The following LONRF1 variants were observed in gnomAD, a reference collection of about 807,000 sequenced individuals.
LONRF1 encodes the protein LON peptidase N-terminal domain and ring finger 1.
LONRF1 carries 37 observed loss-of-function variants against 85.8 expected under a neutral mutation model. That is an observed-to-expected ratio of 0.43 (90% CI 0.33 to 0.57). LONRF1 has a LOEUF of 0.57. Among genes scored for constraint, LONRF1 ranks in the 20% least tolerant of loss-of-function variants. The pLI, the probability that LONRF1 is intolerant of heterozygous loss-of-function variation, is 0.04. For missense variants in LONRF1, 1,036 were observed against 978.0 expected (o/e 1.06, Z -0.79); for synonymous variants, 517 against 390.1 (o/e 1.33, Z -3.83).
At chr8:12,741,117 C>T (rs1405490686) in intron 2 of LONRF1, 121 bp from the exon 3 acceptor site, 25 of 1,016,286 alleles carry the variant, frequency 2.5e-5, no homozygotes, top group Non-Finnish European at 3.2e-5. Flanking sequence ...GGTGCAGTAG[C>T]TCACGCCTGT....
chr8:12,737,947 A>G (rs1478541606), intron 4 of LONRF1, 48 bp downstream of exon 4: 4 of 1,547,144 alleles, frequency 2.6e-6, no homozygotes, highest in Non-Finnish European at 3.5e-6. Context: ...CTTAACTCGT[A>G]AAGAAATGGA....
chr8:12,730,874 T>C (rs1303434214), intron 8 of LONRF1, among the ~76,000 whole-genome samples: 14 of 152,164 alleles, frequency 9.2e-5, no homozygotes, highest in Non-Finnish European at 2.1e-4. Flanking sequence ...GAAAGTGACA[T>C]ACAAAATGTT....
intron 10 of LONRF1, 33 bp downstream of exon 10, chr8:12,728,868 G>C: frequency 6.2e-7 from 1 of 1,612,246 alleles, no homozygotes; most frequent in Non-Finnish European, 8.5e-7. Flanking sequence ...CAGGATATAC[G>C]AAAGTATGCT....
intron 7 of LONRF1, among the ~76,000 whole-genome samples, chr8:12,733,402 A>G (rs1798602037): frequency 6.6e-6 from 1 of 152,170 alleles, no homozygotes; most frequent in Non-Finnish European, 1.5e-5. Flanking sequence ...TTTTGATCCA[A>G]TAATTCACCT....
chr8:12,737,389 G>C, intron 4 of LONRF1: 2 of 651,938 alleles, frequency 3.1e-6, no homozygotes, highest in South Asian at 1.5e-5. Context: ...CTAAAAAAAA[G>C]CCTGAACATA....
rs1799382820 is a variant in LONRF1, at chr8:12,751,297, T to TG, written c.721+3402_721+3403insC. Among the ~76,000 whole-genome samples the TG allele has an allele frequency of 1.4e-4, 7 of 51,172 alleles. 1 individual carries two copies. Among genetic ancestry groups the TG allele is most frequent in the East Asian group, 4.8e-4 (1 of 2,088 alleles). The allele number at this position is 51,172 out of a possible 152,430, so 33.6% of individuals were successfully genotyped here. ...CAAGGATTATATTTTTATTTTTATG[T>TG]TTTTTTTTTTTTTTTTTTTTTTTGA... On this transcript the variant is annotated intron_variant, in intron 1 of 11. Transcript: ENST00000398246.
At chr8:12,751,698 T>C (rs1292347362) in intron 1 of LONRF1, among the ~76,000 whole-genome samples, 1 of 151,862 alleles carries the variant, frequency 6.6e-6, no homozygotes, top group Non-Finnish European at 1.5e-5. Flanking sequence ...CTTTTTTTTT[T>C]TTTTTAACCT....
At chr8:12,753,103 G>C (rs1389377532) in intron 1 of LONRF1, 2 of 152,234 alleles carry the variant, frequency 1.3e-5, no homozygotes, top group African/African-American at 4.8e-5. Flanking sequence ...GCAGAGTCAT[G>C]TGTATCAGAA....
At chr8:12,738,184 A>G in intron 3 of LONRF1, 40 bp from the exon 4 acceptor site, 1 of 1,318,776 alleles carries the variant, frequency 7.6e-7, no homozygotes, top group South Asian at 1.5e-5. Context: ...AATATAAAAT[A>G]TTTGGTTAAG....
At chr8:12,727,267 TTTAAA>T (rs1238183286) in intron 10 of LONRF1, 105 of 146,700 alleles carry the variant, frequency 7.2e-4, no homozygotes, top group African/African-American at 2.4e-3. Context: ...CAGAGACGCT[TTTAAA>T]GTCTCTGCCT....
intron 7 of LONRF1, among the ~76,000 whole-genome samples, chr8:12,735,035 A>G (rs1585234280): frequency 1.3e-5 from 2 of 151,950 alleles, no homozygotes; most frequent in African/African-American, 4.8e-5. Context: ...AACCATACCC[A>G]CTTTTGTTTA....
At position 12,722,789 on chromosome 8, in the gene LONRF1, C is replaced by T; in HGVS notation, c.*307G>A. 4.8e-6 allele frequency: 1 copy of T among 206,328 alleles called. No homozygotes were observed. The highest frequency in any genetic ancestry group is 9.8e-6 in the Non-Finnish European group (1 of 101,818). The allele number at this position is 206,328 out of a possible 1,614,324, so 12.8% of individuals were successfully genotyped here. A position where few individuals can be genotyped will look rare whatever the true frequency, so the allele number is the denominator to read the frequency against. Reference sequence around the variant, plus strand: ...CCCCACAAGCACACACGCACGCACACACACACACACACTCTCTCACAGACA... The same window carrying T: ...CCCCACAAGCACACACGCACGCACATACACACACACACTCTCTCACAGACA... On this transcript the variant is annotated 3_prime_UTR_variant, in exon 12 of 12. Transcript: ENST00000398246.
intron 11 of LONRF1, among the ~76,000 whole-genome samples, chr8:12,723,546 C>T (rs1806014832): frequency 6.6e-6 from 1 of 152,234 alleles, no homozygotes; most frequent in Non-Finnish European, 1.5e-5. Context: ...AGCAAGGCTT[C>T]TCGACCTCAG....
chr8:12,723,933 T>C (rs548392689), intron 11 of LONRF1, among the ~76,000 whole-genome samples: 2 of 152,212 alleles, frequency 1.3e-5, no homozygotes, highest in African/African-American at 2.4e-5. Context: ...CTATTGGCTA[T>C]TGAAACAACT....
At chr8:12,738,267 G>C (rs1022996027) in intron 3 of LONRF1, 123 bp from the exon 4 acceptor site, 4 of 658,044 alleles carry the variant, frequency 6.1e-6, no homozygotes, top group African/African-American at 5.6e-5. Context: ...TAATGAGCAG[G>C]AGGGGAACAA....
chr8:12,748,419 A>G (rs1323818142), intron 1 of LONRF1, among the ~76,000 whole-genome samples: 1 of 151,618 alleles, frequency 6.6e-6, no homozygotes, highest in Non-Finnish European at 1.5e-5. Context: ...CTGGTCTCAA[A>G]CTCTTGGGCT....
At chr8:12,723,937 A>C (rs1414413933) in intron 11 of LONRF1, among the ~76,000 whole-genome samples, 1 of 152,182 alleles carries the variant, frequency 6.6e-6, no homozygotes, top group African/African-American at 2.4e-5. Flanking sequence ...TGGCTATTGA[A>C]ACAACTAGAA....
intron 6 of LONRF1, among the ~76,000 whole-genome samples, 193 bp downstream of exon 6, chr8:12,736,508 A>T (rs546546072): frequency 1.3e-5 from 2 of 152,328 alleles, no homozygotes; most frequent in South Asian, 4.1e-4. Context: ...TTTCTAAATT[A>T]GGAAACCTGA....
At chr8:12,734,268 G>A (rs933762457) in intron 7 of LONRF1, among the ~76,000 whole-genome samples, 3 of 151,818 alleles carry the variant, frequency 2.0e-5, no homozygotes, top group Non-Finnish European at 4.4e-5. Flanking sequence ...TTACATATCA[G>A]CTTGTTATAT....
Sources: allele counts gnomAD v4.1 joint callset (sites outside exome capture counted in the v4.1 genomes callset), GRCh38; gene constraint gnomAD v4.1.1; transcripts MANE v1.5; gene names NCBI Gene and HGNC (gene_info 2026-07-23, HGNC 2026-07-21).